Variants in SLC19A1 observed in about 807,000 individuals in gnomAD.
The protein encoded by SLC19A1 is reduced folate transporter.
SLC19A1 carries 37 observed loss-of-function variants against 35.3 expected under a neutral mutation model. That is an observed-to-expected ratio of 1.05 (90% confidence interval 0.81 to 1.38). The LOEUF is 1.38. SLC19A1 is among the 40% of genes most tolerant of loss of function. The pLI, the probability that SLC19A1 is intolerant of heterozygous loss-of-function variation, is 0.00. For missense variants in SLC19A1, 831 were observed against 826.9 expected, an observed-to-expected ratio of 1.00 and a Z score of -0.06; for synonymous variants, 460 against 398.5, an observed-to-expected ratio of 1.15 and a Z score of -1.84.
chr21:45,518,377 T>C (rs971339271), intron 5 of SLC19A1, among the ~76,000 whole-genome samples: 1 of 152,098 alleles, frequency 6.6e-6, no homozygotes, highest in Non-Finnish European at 1.5e-5. Context: ...CTATACAACA[T>C]GATCTAACAT....
intron 3 of SLC19A1, among the ~76,000 whole-genome samples, chr21:45,503,742 T>A (rs1000260835): frequency 3.3e-5 from 5 of 151,920 alleles, no homozygotes; most frequent in East Asian, 3.9e-4. Flanking sequence ...CATATGTAAC[T>A]AACCTGCACA....
intron 3 of SLC19A1, among the ~76,000 whole-genome samples, chr21:45,505,672 G>A (rs914422493): frequency 3.3e-5 from 5 of 152,154 alleles, no homozygotes; most frequent in East Asian, 1.9e-4. Flanking sequence ...AGGAGCTGGC[G>A]GCAGGCAGGG....
chr21:45,531,411 T>C lies in SLC19A1; in HGVS notation c.927A>G (p.Ala309=). 1.3e-6 allele frequency: 2 copies of C among 1,590,520 alleles called. No individual in the cohort carries two copies. Among genetic ancestry groups the C allele is most frequent in the South Asian group, 2.3e-5 (2 of 88,012 alleles). The change falls in exon 3 of 6, where the codon GCA becomes GCG. Residue 309 remains alanine (A), a synonymous_variant. Coordinates refer to ENST00000311124, the MANE Select transcript of SLC19A1 (RefSeq NM_194255.4). ...TACCCAGCAGCGTGGAGGCAGCATC[T>C]GCCGCGCCGTTGTAGACCCGCGCAC... ...TNSARVYNGA[A]DAASTLLGAI...
upstream of SLC19A1, among the ~76,000 whole-genome samples, chr21:45,546,292 G>A (rs554397249): frequency 1.6e-3 from 239 of 152,362 alleles, no homozygotes; most frequent in African/African-American, 5.5e-3. Flanking sequence ...CTGGAGCCCC[G>A]GAGCTCCTGG....
At position 45,534,429 on chromosome 21, in the gene SLC19A1, T is replaced by G. The variant is rs2330184; in HGVS notation, c.190-2281A>C. ...CCCAGCCCCTGGCCGGGGCACAGGT[T>G]CTGCCCACAGCCCAGAGTCAAAATG... On this transcript the variant is annotated intron_variant, in intron 2 of 5. Transcript: ENST00000311124. This position sits in a 1 kb window ranked among gnomAD's most constrained non-coding sequence, Gnocchi z 4.2. 2 of 886,006 alleles carry G rather than the reference T, an allele frequency of 2.3e-6. No individual in the cohort carries two copies. The highest frequency in any genetic ancestry group is 3.5e-6 in the Non-Finnish European group (2 of 573,464). 54.9% of individuals were successfully genotyped at this position (886,006 alleles called of 1,614,324 possible). A position where few individuals can be genotyped will look rare whatever the true frequency, so the allele number is the denominator to read the frequency against.
intron 3 of SLC19A1, among the ~76,000 whole-genome samples, chr21:45,503,234 T>C (rs2146058825): frequency 6.6e-6 from 1 of 152,048 alleles, no homozygotes; most frequent in Middle Eastern, 3.4e-3. Context: ...CGGCACCTGT[T>C]GTTTCCTTAC....
chr21:45,561,440 A>C (rs1041487980), intron 1 of SLC19A1, among the ~76,000 whole-genome samples: 1 of 152,206 alleles, frequency 6.6e-6, no homozygotes, highest in Admixed American at 6.5e-5. Flanking sequence ...GGTGGGTTCC[A>C]GCTGCAAGTG....
chr21:45,510,745 A>G (rs540845706), downstream of SLC19A1, among the ~76,000 whole-genome samples: 15 of 152,178 alleles, frequency 9.9e-5, no homozygotes, highest in East Asian at 2.9e-3. Flanking sequence ...CACATTCCCC[A>G]GAACCAACAG....
intron 5 of SLC19A1, among the ~76,000 whole-genome samples, chr21:45,516,763 G>A (rs758605797): frequency 2.6e-5 from 4 of 152,156 alleles, no homozygotes; most frequent in Non-Finnish European, 5.9e-5. Context: ...CATTCCCGGA[G>A]GTGCAGAGGG....
rs1395461786 is a variant in SLC19A1 at position 45,533,596 on chromosome 21, C to A, written c.190-1448G>T. On this transcript the variant is annotated intron_variant, in intron 2 of 5. Coordinates refer to ENST00000311124, the MANE Select transcript of SLC19A1 (RefSeq NM_194255.4). The surrounding 1 kb of genome is among the most constrained non-coding windows in gnomAD (Gnocchi z 4.5). Reference sequence around the variant, plus strand: ...GGCCCCACCAGACCCCACCTCAGATCCACTGGAGGTTGGTACCAGATGAGC... The same window carrying A: ...GGCCCCACCAGACCCCACCTCAGATACACTGGAGGTTGGTACCAGATGAGC... Among the ~76,000 whole-genome samples, 2 of 151,928 alleles carry A rather than the reference C, an allele frequency of 1.3e-5. No homozygotes were observed. The highest frequency in any genetic ancestry group is 2.9e-5 in the Non-Finnish European group (2 of 67,928).
intron 3 of SLC19A1, chr21:45,506,617 G>T (rs762205989): frequency 1.1e-5 from 2 of 175,554 alleles, no homozygotes; most frequent in Non-Finnish European, 2.5e-5. Flanking sequence ...AGGTGAGGAC[G>T]GGTAGAAGCC....
intron 3 of SLC19A1, among the ~76,000 whole-genome samples, chr21:45,504,924 TCTG>T (rs1326527130): frequency 6.7e-6 from 1 of 149,694 alleles, no homozygotes; most frequent in African/African-American, 2.5e-5. Flanking sequence ...TTGTCAGGTC[TCTG>T]CTGGTCTCTC....
chr21:45,509,944 C>T (rs1032166919), downstream of SLC19A1: 7 of 1,196,998 alleles, frequency 5.8e-6, no homozygotes, highest in African/African-American at 1.1e-4. Context: ...TGCGCGCCTC[C>T]CGCTCAGCGC....
rs1184039149 is a variant in SLC19A1, at chr21:45,530,851, C to T, written c.1070G>A (p.Arg357His). ...AGLVFLLAHT[R>H]HPSSIWLCYA... ...GCACAGCCAGATGCTGCTCGGGTGG[C>T]GCGTGTGCGCCAGAAGGAAGACCAG... The change falls in exon 4 of 6, where the codon CGC becomes CAC. Residue 357 changes from arginine to histidine, a missense_variant. Physicochemically the swap from Arg to His is conservative, Grantham distance 29 (BLOSUM62 0). Transcript: ENST00000311124. This position sits in a 1 kb window ranked among gnomAD's most constrained non-coding sequence, Gnocchi z 5.3. 16 of 1,503,256 alleles carry T rather than the reference C, an allele frequency of 1.1e-5. No individual in the cohort carries two copies. The highest frequency in any genetic ancestry group is 1.4e-5 in the African/African-American group (1 of 69,648). The allele number at this position is 1,503,256 out of a possible 1,614,324, so 93.1% of individuals were successfully genotyped here.
chr21:45,505,805 C>CCCCCCCCCCCCA, intron 3 of SLC19A1: 1 of 1,562,786 alleles, frequency 6.4e-7, no homozygotes, highest in Non-Finnish European at 8.7e-7. Flanking sequence ...CCCTCCCCGC[C>CCCCCCCCCCCCA]AAGCCCCACA....
intron 4 of SLC19A1, among the ~76,000 whole-genome samples, chr21:45,529,952 A>G (rs2077805733): frequency 6.9e-6 from 1 of 145,902 alleles, no homozygotes; most frequent in Non-Finnish European, 1.5e-5. Context: ...GTGTGTGTCC[A>G]TGGGTAAGCA....
chr21:45,512,498 G>A, downstream of SLC19A1: 3 of 1,082,678 alleles, frequency 2.8e-6, no homozygotes, highest in African/African-American at 1.6e-5. Flanking sequence ...CCAGGACCTG[G>A]CTGCCATACT....
At chr21:45,545,715 C>G (rs538018897), upstream of SLC19A1, among the ~76,000 whole-genome samples, 3 of 152,278 alleles carry the variant, frequency 2.0e-5, no homozygotes, top group South Asian at 6.2e-4. Flanking sequence ...CAGACGGCAC[C>G]CCATATGCAG....
chr21:45,516,217 C>T, intron 5 of SLC19A1, 77 bp from the exon 6 acceptor site: 1 of 1,096,744 alleles, frequency 9.1e-7, no homozygotes, highest in Non-Finnish European at 1.3e-6. Context: ...GACGCCTGCT[C>T]CCAGGCTCAC....
Sources: allele counts gnomAD v4.1 joint callset (sites outside exome capture counted in the v4.1 genomes callset), GRCh38; gene constraint gnomAD v4.1.1; non-coding constraint Gnocchi (gnomAD v3.1); transcripts MANE v1.5; gene names NCBI Gene and HGNC (gene_info 2026-07-23, HGNC 2026-07-21).